Variants in C1QTNF7 observed in about 807,000 individuals in gnomAD.
The protein encoded by C1QTNF7 is complement C1q tumor necrosis factor-related protein 7.
In C1QTNF7, 15 loss-of-function variants were observed where a neutral mutation model predicts 19.6. The ratio of observed to expected loss-of-function variants is 0.76; its 90% CI spans 0.51 to 1.18. The LOEUF (loss-of-function observed/expected upper bound fraction) is 1.18, where lower values mean the gene tolerates loss of function less well. C1QTNF7 is among the 50% of genes most tolerant of loss of function. C1QTNF7 has a pLI of 0.00. For missense variants in C1QTNF7, 324 were observed against 359.7 expected (o/e 0.90, Z 0.80); for synonymous variants, 142 against 137.5 (o/e 1.03, Z -0.23).
At chr4:15,442,062 G>T in intron 2 of C1QTNF7, 106 bp from the exon 3 acceptor site, 1 of 1,271,328 alleles carries the variant, frequency 7.9e-7, no homozygotes, top group South Asian at 1.5e-5. Context: ...ACTGTTAAAT[G>T]TTGCCTGAAA....
intron 1 of C1QTNF7, among the ~76,000 whole-genome samples, chr4:15,383,405 G>A (rs1245980179): frequency 6.6e-6 from 1 of 152,116 alleles, no homozygotes; most frequent in African/African-American, 2.4e-5. Context: ...ATGCCCTCCT[G>A]AAAAATTTTC....
At chr4:15,389,788 T>C (rs1272013495) in intron 1 of C1QTNF7, among the ~76,000 whole-genome samples, 1 of 152,130 alleles carries the variant, frequency 6.6e-6, no homozygotes, top group African/African-American at 2.4e-5. Flanking sequence ...CTAGAGATTT[T>C]CATAAACTGT....
chr4:15,349,844 G>A (rs1716847171), intron 1 of C1QTNF7, among the ~76,000 whole-genome samples: 1 of 152,106 alleles, frequency 6.6e-6, no homozygotes, highest in African/African-American at 2.4e-5. Context: ...TTAGAAAGAT[G>A]TTTTGTGTAG....
intron 1 of C1QTNF7, chr4:15,374,894 G>T (rs999295745): frequency 4.9e-5 from 21 of 424,868 alleles, no homozygotes; most frequent in African/African-American, 4.6e-4. Context: ...ATGTTCAGGG[G>T]TGTTTACCGA....
At chr4:15,388,641 T>C (rs1051257998) in intron 1 of C1QTNF7, among the ~76,000 whole-genome samples, 4 of 152,150 alleles carry the variant, frequency 2.6e-5, no homozygotes, top group African/African-American at 4.8e-5. Context: ...GTCAATGATA[T>C]GATCATGTAG....
intron 1 of C1QTNF7, among the ~76,000 whole-genome samples, chr4:15,387,437 G>A (rs1718380116): frequency 1.3e-5 from 2 of 152,158 alleles, no homozygotes; most frequent in South Asian, 4.2e-4. Flanking sequence ...GGTATTCCAA[G>A]ATTGAACCTA....
chr4:15,372,517 C>T (rs1057180748), intron 1 of C1QTNF7, among the ~76,000 whole-genome samples: 1 of 152,188 alleles, frequency 6.6e-6, no homozygotes, highest in African/African-American at 2.4e-5. Flanking sequence ...TTTGTTATGG[C>T]AGCCCAAGCA....
intron 1 of C1QTNF7, among the ~76,000 whole-genome samples, chr4:15,395,682 T>C (rs1210125929): frequency 6.6e-6 from 1 of 152,112 alleles, no homozygotes; most frequent in Non-Finnish European, 1.5e-5. Flanking sequence ...GGTCCATTGT[T>C]CAAATGACAC....
At chr4:15,401,715 G>A (rs933194354) in intron 1 of C1QTNF7, among the ~76,000 whole-genome samples, 2 of 152,066 alleles carry the variant, frequency 1.3e-5, no homozygotes, top group Admixed American at 6.5e-5. Context: ...GATCAGAAAA[G>A]AAATAAGATG....
chr4:15,340,213 C>T, intron 1 of C1QTNF7: 2 of 1,551,584 alleles, frequency 1.3e-6, no homozygotes. Flanking sequence ...ACAAGGTAAG[C>T]TACCATTTTC....
intron 1 of C1QTNF7, among the ~76,000 whole-genome samples, chr4:15,390,722 A>G (rs1718524593): frequency 6.6e-6 from 1 of 152,226 alleles, no homozygotes; most frequent in Admixed American, 6.5e-5. Context: ...AACCCCAAAG[A>G]AAATTTATTC....
chr4:15,442,092 T>C (rs1712782090), intron 2 of C1QTNF7, 76 bp from the exon 3 acceptor site: 1 of 1,483,722 alleles, frequency 6.7e-7, no homozygotes, highest in Non-Finnish European at 9.1e-7. Context: ...TGGGATGTGC[T>C]GGGACCATGT....
intron 1 of C1QTNF7, among the ~76,000 whole-genome samples, chr4:15,401,555 G>C (rs1422791195): frequency 6.6e-6 from 1 of 152,182 alleles, no homozygotes; most frequent in Admixed American, 6.5e-5. Flanking sequence ...GGGGAAACAA[G>C]TAGAAAAATC....
upstream of C1QTNF7, among the ~76,000 whole-genome samples, chr4:15,427,300 A>G (rs1043368114): frequency 3.3e-5 from 5 of 152,352 alleles, no homozygotes; most frequent in South Asian, 1.0e-3. Flanking sequence ...CATAAATTAT[A>G]TATTGCTGTT....
intron 1 of C1QTNF7, chr4:15,374,199 C>G (rs1717840681): frequency 6.6e-6 from 1 of 152,222 alleles, no homozygotes; most frequent in African/African-American, 2.4e-5. Flanking sequence ...TGATGCTGGT[C>G]AAGTCTTGTA....
intron 1 of C1QTNF7, among the ~76,000 whole-genome samples, chr4:15,419,419 C>T (rs1240102655): frequency 5.3e-5 from 8 of 151,930 alleles, no homozygotes; most frequent in Non-Finnish European, 1.2e-4. Context: ...TTAATGGCTC[C>T]AAAACATAAC....
At chr4:15,345,586 C>T (rs1204219538) in intron 1 of C1QTNF7, among the ~76,000 whole-genome samples, 1 of 152,018 alleles carries the variant, frequency 6.6e-6, no homozygotes, top group Non-Finnish European at 1.5e-5. Flanking sequence ...ATCCTTGAAG[C>T]AAGGAAATAC....
At chr4:15,367,524 G>A (rs750041459) in intron 1 of C1QTNF7, among the ~76,000 whole-genome samples, 1 of 152,196 alleles carries the variant, frequency 6.6e-6, no homozygotes, top group Non-Finnish European at 1.5e-5. Flanking sequence ...AGCCGATGCA[G>A]CTCACTAGGA....
intron 1 of C1QTNF7, among the ~76,000 whole-genome samples, chr4:15,380,793 G>A (rs936877326): frequency 6.6e-6 from 1 of 152,162 alleles, no homozygotes; most frequent in East Asian, 1.9e-4. Flanking sequence ...AAATTAGCCA[G>A]GCATGGTGGC....
Sources: gnomAD v4.1 joint callset for allele counts (sites outside exome capture counted in the v4.1 genomes callset) on GRCh38, gnomAD v4.1.1 for gene constraint, MANE v1.5 for transcripts, NCBI Gene and HGNC (gene_info 2026-07-23, HGNC 2026-07-21) for gene names.